Variants in MEF2C observed in about 807,000 individuals in gnomAD.
MEF2C encodes the protein myocyte-specific enhancer factor 2C.
Under a neutral mutation model 50.5 loss-of-function variants are expected in MEF2C, and 6 were observed. The ratio of observed to expected loss-of-function variants is 0.12; its 90% CI spans 0.07 to 0.23. The LOEUF (loss-of-function observed/expected upper bound fraction) is 0.23. MEF2C is among the 10% of genes least tolerant of loss of function. MEF2C has a pLI of 1.00. For synonymous variants in MEF2C, 183 were observed against 228.0 expected, an observed-to-expected ratio of 0.80 and a Z score of 1.78; for missense variants, 276 against 605.0, an observed-to-expected ratio of 0.46 and a Z score of 5.70.
At chr5:88,835,756 T>G (rs1041826594) in intron 1 of MEF2C, among the ~76,000 whole-genome samples, 1 of 143,692 alleles carries the variant, frequency 7.0e-6, no homozygotes, top group Non-Finnish European at 1.5e-5. Flanking sequence ...GAGGTTGCAA[T>G]GAGCTGAGGT....
intron 6 of MEF2C, chr5:88,746,774 G>A: frequency 1.2e-6 from 1 of 806,080 alleles, no homozygotes; most frequent in Non-Finnish European, 1.5e-6. Flanking sequence ...TTATGAGTAG[G>A]ACATGACAGC....
rs1808549468 is a variant in MEF2C, at chr5:88,821,849, AG to A, written c.54+1885del. ...AAATGAATAAGATCTAGAATTTGGT[AG>A]TACATAGGGTGACTACAGTTAACAA... On this transcript the variant is annotated intron_variant, in intron 2 of 10. Transcript: ENST00000504921. Among the ~76,000 whole-genome samples the A allele has an allele frequency of 5.9e-5, 9 of 152,050 alleles. No homozygotes were observed. The South Asian group carries it at 1.9e-3, about 32-fold the overall frequency.
intron 3 of MEF2C, chr5:88,782,254 G>T: frequency 2.8e-6 from 2 of 723,620 alleles, no homozygotes; most frequent in Middle Eastern, 7.1e-4. Context: ...GATCACTTGA[G>T]CCCAGGAATT....
intron 4 of MEF2C, among the ~76,000 whole-genome samples, chr5:88,758,748 G>A (rs80324118): frequency 0.013 from 1,958 of 152,232 alleles, 50 homozygotes; most frequent in African/African-American, 0.044. Context: ...GAGACTCTGT[G>A]GCATAGCTCG....
At chr5:88,806,536 C>G (rs1800505913) in intron 2 of MEF2C, among the ~76,000 whole-genome samples, 1 of 152,164 alleles carries the variant, frequency 6.6e-6, no homozygotes, top group Admixed American at 6.5e-5. Flanking sequence ...TCCCACTCCC[C>G]ACCCTCCCCC....
chr5:88,832,034 A>G (rs531854146), intron 1 of MEF2C, among the ~76,000 whole-genome samples: 11 of 152,268 alleles, frequency 7.2e-5, no homozygotes, highest in Non-Finnish European at 1.5e-4. Flanking sequence ...AAGCCAGTTA[A>G]GCATGTGTCT....
At position 88,790,185 on chromosome 5, in the gene MEF2C, CTTCCT is replaced by C. The variant is rs202062795; in HGVS notation, c.258+14408_258+14412del. On this transcript the variant is annotated intron_variant, in intron 3 of 10. Transcript: ENST00000504921. ...CACACTTCCAGAAAAACCTAAGACA[CTTCCT>C]TTCAAGAATTAGTTTCACAGAATTT... Among the ~76,000 whole-genome samples the C allele has an allele frequency of 3.7e-3, 561 of 152,328 alleles. 5 individuals are homozygous for C. The highest frequency in any genetic ancestry group is 0.028 in the East Asian group (145 of 5,186).
intron 3 of MEF2C, among the ~76,000 whole-genome samples, chr5:88,799,532 C>A (rs561411315): frequency 3.7e-4 from 56 of 152,180 alleles, no homozygotes; most frequent in Non-Finnish European, 5.7e-4. Flanking sequence ...CTATTTGCTG[C>A]ATTTGCTTTT....
At chr5:88,736,671 A>T (rs1026885893) in intron 6 of MEF2C, 3 of 985,068 alleles carry the variant, frequency 3.0e-6, no homozygotes, top group Non-Finnish European at 3.6e-6. Flanking sequence ...TAACCAACCC[A>T]CTCAAGGAAG....
intron 1 of MEF2C, among the ~76,000 whole-genome samples, chr5:88,834,603 G>A (rs2153253936): frequency 6.6e-6 from 1 of 152,300 alleles, no homozygotes; most frequent in Middle Eastern, 3.4e-3. Flanking sequence ...GGACCAAGGG[G>A]TGATGAAGTG....
At chr5:88,775,241 C>T (rs1784223005) in intron 3 of MEF2C, among the ~76,000 whole-genome samples, 1 of 152,158 alleles carries the variant, frequency 6.6e-6, no homozygotes, top group South Asian at 2.1e-4. Context: ...AGTTTCCTGG[C>T]TCATTTGTTA....
intron 3 of MEF2C, among the ~76,000 whole-genome samples, chr5:88,766,108 C>T (rs777457978): frequency 1.2e-4 from 19 of 152,184 alleles, no homozygotes; most frequent in Non-Finnish European, 2.6e-4. Context: ...GGAATCTTTC[C>T]TCCCAGACAT....
intron 1 of MEF2C, among the ~76,000 whole-genome samples, chr5:88,859,508 T>C (rs1238179624): frequency 6.6e-6 from 1 of 152,224 alleles, no homozygotes; most frequent in Non-Finnish European, 1.5e-5. Flanking sequence ...GTTTCACATA[T>C]GAAAGTTCCT....
chr5:88,751,526 T>C (rs1035612064), intron 5 of MEF2C: 5 of 985,036 alleles, frequency 5.1e-6, no homozygotes, highest in Non-Finnish European at 1.2e-6. Flanking sequence ...AGAGGGAAAA[T>C]GGCATTTTAG....
intron 2 of MEF2C, among the ~76,000 whole-genome samples, chr5:88,807,893 G>A (rs1410134671): frequency 6.6e-6 from 1 of 152,088 alleles, no homozygotes; most frequent in Non-Finnish European, 1.5e-5. Context: ...ACTCAGTTAC[G>A]TTATTTACAT....
chr5:88,836,356 G>A (rs1014498502), intron 1 of MEF2C, among the ~76,000 whole-genome samples: 2 of 151,616 alleles, frequency 1.3e-5, no homozygotes, highest in East Asian at 3.9e-4. Context: ...TGACCTCTGG[G>A]ATACATTTGC....
intron 1 of MEF2C, among the ~76,000 whole-genome samples, chr5:88,901,111 A>G: frequency 6.6e-6 from 1 of 152,064 alleles, no homozygotes; most frequent in Admixed American, 6.6e-5. Context: ...CAATAAGAAA[A>G]AGAAAGGGAA....
intron 6 of MEF2C, among the ~76,000 whole-genome samples, chr5:88,747,714 G>A (rs959281315): frequency 8.6e-5 from 13 of 151,972 alleles, no homozygotes; most frequent in African/African-American, 2.2e-4. Context: ...CAAGCAAATC[G>A]GTGCAGTGAG....
chr5:88,881,331 C>A (rs1832758547), intron 1 of MEF2C: 1 of 152,120 alleles, frequency 6.6e-6, no homozygotes, highest in Non-Finnish European at 1.5e-5. Context: ...CTATCAAGTT[C>A]TGAGTCTTGC....
Sources: gnomAD v4.1 joint callset for allele counts (sites outside exome capture counted in the v4.1 genomes callset) on GRCh38, gnomAD v4.1.1 for gene constraint, MANE v1.5 for transcripts, NCBI Gene and HGNC (gene_info 2026-07-23, HGNC 2026-07-21) for gene names.